The following ASCC3 variants were observed in gnomAD, a reference collection of about 807,000 sequenced individuals.
ASCC3 encodes ASC-1 complex subunit P200.
A neutral mutation model predicts 256.3 loss-of-function variants in ASCC3; 158 were observed. The ratio of observed to expected loss-of-function variants is 0.62; its 90% CI spans 0.54 to 0.70. ASCC3 has a LOEUF of 0.70. Ranked by LOEUF, ASCC3 falls within the 30% of genes least tolerant of loss-of-function variation. The pLI is 0.00. For synonymous variants in ASCC3, 948 were observed against 883.4 expected (o/e 1.07, Z -1.30); for missense variants, 2,259 against 2,626.0 (o/e 0.86, Z 3.05).
At chr6:100,724,421 G>C (rs72942958) in intron 11 of ASCC3, among the ~76,000 whole-genome samples, 9,267 of 151,946 alleles carry the variant, frequency 0.061, 344 homozygotes, top group East Asian at 0.15. Context: ...TTTCCAGACA[G>C]TAGGTGGTGG....
intron 10 of ASCC3, among the ~76,000 whole-genome samples, chr6:100,760,472 T>C (rs1781371806): frequency 6.6e-6 from 1 of 152,196 alleles, no homozygotes. Context: ...ATCCCAGGGA[T>C]GAAGCCAACT....
At chr6:100,769,105 C>CT (rs1208274017) in intron 8 of ASCC3, among the ~76,000 whole-genome samples, 1 of 151,990 alleles carries the variant, frequency 6.6e-6, no homozygotes, top group Non-Finnish European at 1.5e-5. Context: ...TTTTGTAGCA[C>CT]TAACTACTAT....
At chr6:100,706,705 CA>C (rs1778603166) in intron 13 of ASCC3, among the ~76,000 whole-genome samples, 1 of 151,982 alleles carries the variant, frequency 6.6e-6, no homozygotes, top group South Asian at 2.1e-4. Context: ...GATTTTAGGC[CA>C]AATAGTATTG....
At chr6:100,590,150 T>A in intron 34 of ASCC3, 91 bp from the exon 35 acceptor site, 1 of 864,924 alleles carries the variant, frequency 1.2e-6, no homozygotes, top group Admixed American at 2.0e-5. Flanking sequence ...ATAAATATAA[T>A]CCCCTTTTAT....
chr6:100,850,846 T>C (rs1418384863), intron 3 of ASCC3, among the ~76,000 whole-genome samples: 1 of 152,192 alleles, frequency 6.6e-6, no homozygotes, highest in Non-Finnish European at 1.5e-5. Context: ...TACTTATAAC[T>C]TGTAAAACAG....
intron 8 of ASCC3, among the ~76,000 whole-genome samples, chr6:100,771,662 TCAA>T (rs1290445073): frequency 6.6e-6 from 1 of 151,986 alleles, no homozygotes; most frequent in Non-Finnish European, 1.5e-5. Context: ...ATAAAAATGC[TCAA>T]CATCATTAGT....
At chr6:100,624,305 T>A (rs1447526513) in intron 30 of ASCC3, among the ~76,000 whole-genome samples, 2 of 151,000 alleles carry the variant, frequency 1.3e-5, no homozygotes, top group Non-Finnish European at 3.0e-5. Context: ...ATCTACAAAA[T>A]AAATGCTGTC....
intron 4 of ASCC3, among the ~76,000 whole-genome samples, chr6:100,845,813 C>A (rs1562339003): frequency 6.6e-6 from 1 of 152,050 alleles, no homozygotes; most frequent in East Asian, 1.9e-4. Context: ...TAATAGCTAG[C>A]CCTTAAAAAT....
chr6:100,543,590 G>A (rs1344245601), intron 36 of ASCC3, among the ~76,000 whole-genome samples: 1 of 151,984 alleles, frequency 6.6e-6, no homozygotes, highest in Non-Finnish European at 1.5e-5. Flanking sequence ...ACATTTCAGA[G>A]CAAAGATTAT....
intron 8 of ASCC3, among the ~76,000 whole-genome samples, chr6:100,774,963 T>C (rs1782117649): frequency 6.6e-6 from 1 of 152,240 alleles, no homozygotes; most frequent in Non-Finnish European, 1.5e-5. Flanking sequence ...GAAAAACACT[T>C]AGGGCTGGTG....
chr6:100,516,993 T>C (rs944619620), intron 38 of ASCC3, among the ~76,000 whole-genome samples: 2 of 152,002 alleles, frequency 1.3e-5, no homozygotes, highest in African/African-American at 2.4e-5. Context: ...ATAACTTTTA[T>C]ACCATACTGG....
chr6:100,625,225 A>G lies in ASCC3; in HGVS notation c.4752T>C (p.Asp1584=). ...CATCCATGTTTAACCACTGCTTTGG[A>G]TCTTCTTCAGTAGCCAGGAAGGCGA... The part of the protein sequence containing the change: ...ELIAFLATEE[D]PKQWLNMDER... Residue 1584 remains aspartate, a synonymous_variant, in exon 30 of 42, where the codon GAT becomes GAC. Transcript: ENST00000369162. 1 of 1,612,918 alleles carries G rather than the reference A, an allele frequency of 6.2e-7. No individual in the cohort carries two copies. Among genetic ancestry groups the G allele is most frequent in the Non-Finnish European group, 8.5e-7 (1 of 1,179,228 alleles).
chr6:100,657,800 A>G (rs763082787), intron 16 of ASCC3, among the ~76,000 whole-genome samples: 3 of 151,512 alleles, frequency 2.0e-5, no homozygotes, highest in Non-Finnish European at 4.4e-5. Context: ...AAAGGACAAG[A>G]CTACTCAGAA....
In ASCC3 at chr6:100,872,799, T is replaced by C. The variant is rs541094213; in HGVS notation, c.-41-4761A>G. Among the ~76,000 whole-genome samples the C allele has an allele frequency of 3.3e-5, 5 of 152,184 alleles. No individual in the cohort carries two copies. In the East Asian group the frequency reaches 7.7e-4, roughly 24 times the overall value. Reference sequence around the variant, plus strand: ...TCCAGAAGAGAGACAACAATCACTATAGCTTGGCTCTCAGGAAGCCATATC... The same window carrying C: ...TCCAGAAGAGAGACAACAATCACTACAGCTTGGCTCTCAGGAAGCCATATC... On this transcript the variant is annotated intron_variant, in intron 1 of 41. Transcript: ENST00000369162.
At chr6:100,612,601 C>G (rs1306018705) in intron 30 of ASCC3, among the ~76,000 whole-genome samples, 1 of 151,918 alleles carries the variant, frequency 6.6e-6, no homozygotes, top group Admixed American at 6.6e-5. Context: ...TCTATCATAT[C>G]TGGTACAGAT....
At chr6:100,826,184 T>G (rs1771297922) in intron 4 of ASCC3, among the ~76,000 whole-genome samples, 1 of 151,968 alleles carries the variant, frequency 6.6e-6, no homozygotes, top group Non-Finnish European at 1.5e-5. Flanking sequence ...CAGGATGGAG[T>G]GCAGTGGCGT....
At chr6:100,708,505 C>T (rs1420877354) in intron 13 of ASCC3, among the ~76,000 whole-genome samples, 1 of 152,036 alleles carries the variant, frequency 6.6e-6, no homozygotes, top group Non-Finnish European at 1.5e-5. Context: ...AGAGACATCC[C>T]TCTAAACAAC....
At chr6:100,624,569 A>T (rs757512489) in intron 30 of ASCC3, among the ~76,000 whole-genome samples, 11 of 151,990 alleles carry the variant, frequency 7.2e-5, no homozygotes, top group Non-Finnish European at 1.6e-4. Context: ...TTGGAAAGTA[A>T]TTAGCAGTGT....
chr6:100,838,823 T>G (rs1412552214), intron 4 of ASCC3, among the ~76,000 whole-genome samples: 1 of 152,068 alleles, frequency 6.6e-6, no homozygotes, highest in East Asian at 1.9e-4. Flanking sequence ...AGAAGACAAA[T>G]TTCAACCATT....
Sources: allele counts gnomAD v4.1 joint callset (sites outside exome capture counted in the v4.1 genomes callset), GRCh38; gene constraint gnomAD v4.1.1; transcripts MANE v1.5; gene names NCBI Gene and HGNC (gene_info 2026-07-23, HGNC 2026-07-21).